CBFB: variants seen among roughly 807,000 people sequenced by gnomAD.
The protein encoded by CBFB is core-binding factor subunit beta.
In CBFB, 9 loss-of-function variants were observed where a neutral mutation model predicts 30.4. The observed-to-expected ratio is 0.30, with a 90% CI of 0.18 to 0.52. The LOEUF is 0.52. Among genes scored for constraint, CBFB ranks in the 20% least tolerant of loss-of-function variants. The pLI is 0.97. For synonymous variants in CBFB, 94 were observed against 84.0 expected, an observed-to-expected ratio of 1.12 and a Z score of -0.65; for missense variants, 170 against 244.0, an observed-to-expected ratio of 0.70 and a Z score of 2.02.
chr16:67,077,410 T>A (rs1961431044), intron 4 of CBFB, among the ~76,000 whole-genome samples: 1 of 152,246 alleles, frequency 6.6e-6, no homozygotes, highest in Non-Finnish European at 1.5e-5. Context: ...TTTTTACATA[T>A]GCACAAAAAC....
At chr16:67,042,229 A>T (rs1264930940) in intron 3 of CBFB, among the ~76,000 whole-genome samples, 1 of 151,706 alleles carries the variant, frequency 6.6e-6, no homozygotes, top group Non-Finnish European at 1.5e-5. Flanking sequence ...CAGGCTTTTT[A>T]AAAAATCATT....
At position 67,052,031 on chromosome 16, in the gene CBFB, G is replaced by A. The variant is rs147647332; in HGVS notation, c.283-14651G>A. Among the ~76,000 whole-genome samples the A allele has an allele frequency of 1.3e-4, 19 of 151,598 alleles. No homozygotes were observed. The East Asian group carries it at 3.1e-3, about 25-fold the overall frequency. ...CACCCAAGCTGGAGTGCCGTGACAC[G>A]ATCTCAGCTCTCTGCAACCTCTGTC... On this transcript the variant is annotated intron_variant, in intron 3 of 5. Transcript: ENST00000412916.
At chr16:67,045,043 T>C (rs1363467826) in intron 3 of CBFB, among the ~76,000 whole-genome samples, 1 of 152,184 alleles carries the variant, frequency 6.6e-6, no homozygotes, top group Non-Finnish European at 1.5e-5. Flanking sequence ...AGATAAACTA[T>C]AATACTCTAA....
intron 3 of CBFB, 129 bp downstream of exon 3, chr16:67,036,884 A>G (rs1200507328): frequency 9.3e-6 from 6 of 645,462 alleles, no homozygotes; most frequent in South Asian, 4.1e-5. Flanking sequence ...TTTTCATTCC[A>G]TGTTATAAGG....
chr16:67,045,061 G>A (rs1003591445), intron 3 of CBFB, among the ~76,000 whole-genome samples: 18 of 151,724 alleles, frequency 1.2e-4, no homozygotes, highest in Non-Finnish European at 2.5e-4. Flanking sequence ...TAATAATAAC[G>A]GAATCATAAA....
Position 67,039,795 on chromosome 16 carries a change from C to G in CBFB, c.282+3040C>G, listed in dbSNP as rs141272798. On this transcript the variant is annotated intron_variant, in intron 3 of 5. Coordinates refer to ENST00000412916, the MANE Select transcript of CBFB (RefSeq NM_022845.3). ...CAGTCTCTGTCACAACTACTCATCTCTGTAACTCTGCTGTTGTGGTGTGAA... is the reference window on the plus strand; with the variant it reads ...CAGTCTCTGTCACAACTACTCATCTGTGTAACTCTGCTGTTGTGGTGTGAA... Among the ~76,000 whole-genome samples the G allele has an allele frequency of 5.7e-3, 865 of 152,164 alleles. 3 individuals carry two copies. Among genetic ancestry groups the G allele is most frequent in the African/African-American group, 0.019 (808 of 41,490 alleles).
At chr16:67,096,852 T>G (rs1392546834) in intron 5 of CBFB, among the ~76,000 whole-genome samples, 2 of 149,080 alleles carry the variant, frequency 1.3e-5, no homozygotes, top group Non-Finnish European at 3.0e-5. Flanking sequence ...TGGGCGCCTG[T>G]AGTCCCAGCT....
rs1360841845 is a variant in CBFB at position 67,032,801 on chromosome 16, T to C, written c.165+2988T>C. ...ACAGCAGCCATAAATGGCAAGGATA[T>C]CCATAGTTCTCAAAACTATTCCCAA... On this transcript the variant is annotated intron_variant, in intron 2 of 5. Coordinates refer to ENST00000412916, the MANE Select transcript of CBFB (RefSeq NM_022845.3). Among the ~76,000 whole-genome samples the C allele has an allele frequency of 3.9e-5, 6 of 152,338 alleles. No homozygotes were observed. In the East Asian group the frequency reaches 1.2e-3, roughly 29 times the overall value.
At chr16:67,036,614 C>G in intron 2 of CBFB, 25 bp from the exon 3 acceptor site, 1 of 1,274,588 alleles carries the variant, frequency 7.8e-7, no homozygotes, top group Non-Finnish European at 1.1e-6. Flanking sequence ...GCTCCTGATC[C>G]TGTTTGTATT....
rs1597117002 is a variant in CBFB at position 67,029,626 on chromosome 16, C to T, written c.79-101C>T. Reference sequence around the variant, plus strand: ...GCAATCTCGCCGGGGCGGCCATCGCCCGCAGCCTCTGCTTGCCCTTATCGG... The same window carrying T: ...GCAATCTCGCCGGGGCGGCCATCGCTCGCAGCCTCTGCTTGCCCTTATCGG... On this transcript the variant is annotated intron_variant, in intron 1 of 5. Coordinates refer to ENST00000412916, the MANE Select transcript of CBFB (RefSeq NM_022845.3). 7 of 1,334,176 alleles carry T rather than the reference C, an allele frequency of 5.2e-6. 1 individual carries two copies. The Admixed American group carries it at 1.6e-4, about 31-fold the overall frequency. The allele number at this position is 1,334,176 out of a possible 1,614,324, so 82.6% of individuals were successfully genotyped here. A position where few individuals can be genotyped will look rare whatever the true frequency, so the allele number is the denominator to read the frequency against.
chr16:67,097,691 T>C (rs556701764), intron 5 of CBFB, among the ~76,000 whole-genome samples: 2 of 152,378 alleles, frequency 1.3e-5, no homozygotes, highest in Non-Finnish European at 2.9e-5. Flanking sequence ...CATATACTTC[T>C]CTGTGATTCA....
In CBFB at chr16:67,029,396, C is replaced by T; in HGVS notation, c.-12C>T. 2.0e-6 allele frequency: 3 copies of T among 1,528,970 alleles called. No individual in the cohort carries two copies. Among genetic ancestry groups the T allele is most frequent in the Non-Finnish European group, 1.8e-6 (2 of 1,141,174 alleles). 94.7% of individuals were successfully genotyped at this position (1,528,970 alleles called of 1,614,324 possible). A position where few individuals can be genotyped will look rare whatever the true frequency, so the allele number is the denominator to read the frequency against. ...CGAGCGCGGCCGGCCGGCGCGGCCT[C>T]AGGGCGGGAAGATGCCGCGCGTCGT... On this transcript the variant is annotated 5_prime_UTR_variant, in exon 1 of 6. Coordinates refer to ENST00000412916, the MANE Select transcript of CBFB (RefSeq NM_022845.3).
intron 2 of CBFB, among the ~76,000 whole-genome samples, chr16:67,032,116 A>C (rs927902181): frequency 6.6e-6 from 1 of 152,170 alleles, no homozygotes. Flanking sequence ...AATTCAACCC[A>C]TAGGATATCT....
At position 67,095,861 on chromosome 16, in the gene CBFB, T is replaced by G. The variant is rs1320184638; in HGVS notation, c.496-2849T>G. On this transcript the variant is annotated intron_variant, in intron 5 of 5. Transcript: ENST00000412916. ...GCGCATGCCACCACACCCAGCTAAT[T>G]TTTGTATTTTAGTAGAGATGGGGTT... 2.0e-5 allele frequency among the ~76,000 whole-genome samples: 3 copies of G among 151,894 alleles called. No homozygotes were observed. The East Asian group carries it at 5.9e-4, about 30-fold the overall frequency.
At chr16:67,030,054 G>T (rs1966308182) in intron 2 of CBFB, 2 of 443,198 alleles carry the variant, frequency 4.5e-6, no homozygotes, top group African/African-American at 4.2e-5. Flanking sequence ...CGCGAGTGGA[G>T]CTCGAACCCG....
intron 3 of CBFB, among the ~76,000 whole-genome samples, chr16:67,041,721 G>C (rs113719041): frequency 3.3e-5 from 5 of 151,240 alleles, no homozygotes; most frequent in Admixed American, 6.6e-5. Flanking sequence ...TTGGTTTAGC[G>C]CATGTGAGGT....
chr16:67,036,756 GT>G lies in CBFB; in HGVS notation c.282+2del. 1 of 1,552,092 alleles carries G rather than the reference GT, an allele frequency of 6.4e-7. No homozygotes were observed. The highest frequency in any genetic ancestry group is 8.9e-7 in the Non-Finnish European group (1 of 1,123,602). Reference sequence around the variant, plus strand: ...CGACTTAGAAAGAGAAGCAGGCAAGGTAGGAAACATTTCTTTGCAATTTAAA... The same window carrying G: ...CGACTTAGAAAGAGAAGCAGGCAAGGAGGAAACATTTCTTTGCAATTTAAA... On this transcript the variant is annotated splice_donor_variant, in intron 3 of 5. Transcript: ENST00000412916. LOFTEE classifies it high-confidence loss of function.
At chr16:67,061,020 CAT>C (rs1238294763) in intron 3 of CBFB, among the ~76,000 whole-genome samples, 1 of 152,262 alleles carries the variant, frequency 6.6e-6, no homozygotes, top group Admixed American at 6.5e-5. Context: ...ATGGTACAAA[CAT>C]GTTTTTGCTG....
chr16:67,060,417 TAAAG>T (rs1177903649), intron 3 of CBFB, among the ~76,000 whole-genome samples: 5 of 152,282 alleles, frequency 3.3e-5, no homozygotes, highest in African/African-American at 4.8e-5. Context: ...CGTCACACCA[TAAAG>T]AAATCCCATA....
Sources: allele counts gnomAD v4.1 joint callset (sites outside exome capture counted in the v4.1 genomes callset), GRCh38; gene constraint gnomAD v4.1.1; transcripts MANE v1.5; gene names NCBI Gene and HGNC (gene_info 2026-07-23, HGNC 2026-07-21).